Variants in COCH observed in about 807,000 individuals in gnomAD.
COCH encodes cochlin.
A neutral mutation model predicts 54.8 loss-of-function variants in COCH; 40 were observed. The ratio of observed to expected loss-of-function variants is 0.73; its 90% CI spans 0.57 to 0.95. The LOEUF is 0.95. Ranked by LOEUF, COCH falls within the 40% of genes least tolerant of loss-of-function variation. COCH has a pLI of 0.00. For missense variants in COCH, 605 were observed against 675.0 expected, an observed-to-expected ratio of 0.90 and a Z score of 1.15; for synonymous variants, 256 against 237.9, an observed-to-expected ratio of 1.08 and a Z score of -0.70.
chr14:30,891,420 C>T (rs577168480), downstream of COCH, among the ~76,000 whole-genome samples: 34 of 152,116 alleles, frequency 2.2e-4, no homozygotes, highest in Non-Finnish European at 4.9e-4. Context: ...CTGAGTCTTA[C>T]AATTTTATAC....
intron 8 of COCH, among the ~76,000 whole-genome samples, chr14:30,882,872 G>A (rs1419336619): frequency 6.6e-6 from 1 of 152,192 alleles, no homozygotes; most frequent in African/African-American, 2.4e-5. Context: ...CTGGACAACA[G>A]AGAAAGACCC....
downstream of COCH, chr14:30,895,514 T>A: frequency 6.2e-7 from 1 of 1,613,812 alleles, no homozygotes; most frequent in Non-Finnish European, 8.5e-7. Context: ...TTTCTTTCTG[T>A]GAGCTGTTAT....
At position 30,889,627 on chromosome 14, in the gene COCH, T is replaced by C. The variant is rs1211008052; in HGVS notation, c.1489T>C (p.Phe497Leu). The C allele has an allele frequency of 1.2e-6, 2 of 1,613,836 alleles. No individual in the cohort carries two copies. Among genetic ancestry groups the C allele is most frequent in the East Asian group, 4.5e-5 (2 of 44,884 alleles). ...AAAHDAGITI[F>L]SVGVAWAPLD... ...TGTTTTCATTGTAGGAATCACTATCTTCTCTGTTGGTGTGGCTTGGGCACC... is the reference window on the plus strand; with the variant it reads ...TGTTTTCATTGTAGGAATCACTATCCTCTCTGTTGGTGTGGCTTGGGCACC... The change falls in exon 12 of 12, where the codon TTC (phenylalanine) becomes CTC (leucine). Residue 497 changes from phenylalanine (F) to leucine (L), a missense_variant. Transcript: ENST00000396618.
intron 6 of COCH, among the ~76,000 whole-genome samples, chr14:30,880,151 G>C (rs1895519989): frequency 6.6e-6 from 1 of 152,114 alleles, no homozygotes; most frequent in Non-Finnish European, 1.5e-5. Context: ...GTATGACGAT[G>C]GCAGTTTTAA....
intron 8 of COCH, among the ~76,000 whole-genome samples, chr14:30,882,129 T>G (rs1446935053): frequency 4.8e-5 from 5 of 103,666 alleles, no homozygotes; most frequent in Admixed American, 1.9e-4. Context: ...GGTTTTTTTT[T>G]TTTTTTTTTT....
chr14:30,875,384 A>T, intron 3 of COCH: 4 of 598,960 alleles, frequency 6.7e-6, no homozygotes, highest in Non-Finnish European at 1.2e-5. Context: ...ACAGCCCCAG[A>T]CCCCGGGCCC....
At chr14:30,885,707 A>G in intron 10 of COCH, 87 bp downstream of exon 10, 1 of 1,546,046 alleles carries the variant, frequency 6.5e-7, no homozygotes, top group East Asian at 2.2e-5. Context: ...TCTTATCTAG[A>G]TTAACTTGAA....
downstream of COCH, among the ~76,000 whole-genome samples, chr14:30,892,166 T>C (rs1171910343): frequency 1.3e-5 from 2 of 152,162 alleles, no homozygotes; most frequent in African/African-American, 4.8e-5. Flanking sequence ...ATAATGAAAA[T>C]AAGACATTAT....
At chr14:30,888,592 G>C (rs1422461591) in intron 11 of COCH, among the ~76,000 whole-genome samples, 1 of 152,036 alleles carries the variant, frequency 6.6e-6, no homozygotes, top group African/African-American at 2.4e-5. Context: ...GATGAGACCA[G>C]CCTGAACAAC....
chr14:30,877,779 C>A lies in COCH; in HGVS notation c.239+51C>A. ...AGAGAAATGCAGACGTGATTATTTCCTTTCCTGCTTTACCCATCTGGATCC... is the reference window on the plus strand; with the variant it reads ...AGAGAAATGCAGACGTGATTATTTCATTTCCTGCTTTACCCATCTGGATCC... On this transcript the variant is annotated intron_variant, in intron 4 of 11. Coordinates refer to ENST00000396618, the MANE Select transcript of COCH (RefSeq NM_004086.3). The surrounding 1 kb of genome is among the most constrained non-coding windows in gnomAD (Gnocchi z 8.6). 1 of 1,611,452 alleles carries A rather than the reference C, an allele frequency of 6.2e-7. No homozygotes were observed. The highest frequency in any genetic ancestry group is 8.5e-7 in the Non-Finnish European group (1 of 1,179,656).
chr14:30,887,433 C>T (rs968204869), intron 11 of COCH, among the ~76,000 whole-genome samples: 7 of 151,766 alleles, frequency 4.6e-5, no homozygotes, highest in East Asian at 1.9e-4. Flanking sequence ...TTTTCCCCCC[C>T]GCTTAAGATA....
chr14:30,883,644 T>C (rs1895687052), intron 8 of COCH, among the ~76,000 whole-genome samples: 1 of 152,148 alleles, frequency 6.6e-6, no homozygotes, highest in Non-Finnish European at 1.5e-5. Context: ...TTGAATAAAA[T>C]GGCTACTGAT....
Position 30,889,754 on chromosome 14 carries a change from G to T in COCH, c.1616G>T (p.Arg539Ile). 1 of 1,612,380 alleles carries T rather than the reference G, an allele frequency of 6.2e-7. No homozygotes were observed. The highest frequency in any genetic ancestry group is 8.5e-7 in the Non-Finnish European group (1 of 1,178,522). ...GLEPIVSDVI[R>I]GICRDFLESQ... ...GAACCAATTGTTTCTGATGTCATCA[G>T]AGGCATTTGTAGAGATTTCTTAGAA... Residue 539 changes from arginine (R) to isoleucine (I), a missense_variant, in exon 12 of 12, where the codon AGA (arginine) becomes ATA (isoleucine). Coordinates refer to ENST00000396618, the MANE Select transcript of COCH (RefSeq NM_004086.3).
intron 10 of COCH, 33 bp from the exon 11 acceptor site, chr14:30,885,763 T>C: frequency 6.2e-7 from 1 of 1,612,490 alleles, no homozygotes. Flanking sequence ...CTTTTGATCC[T>C]TTTGGATATC....
Position 30,886,038 on chromosome 14 carries a change from C to T in COCH, c.1203C>T (p.Asp401=), listed in dbSNP as rs1334472840. 1 of 1,614,222 alleles carries T rather than the reference C, an allele frequency of 6.2e-7. No individual in the cohort carries two copies. Among genetic ancestry groups the T allele is most frequent in the South Asian group, 1.1e-5 (1 of 91,082 alleles). ...TAGCCAAGACTTTTGAAATCTCGGA[C>T]ATTGGTGCCAAGATAGCTGCTGTAC... ...SNIAKTFEIS[D]IGAKIAAVQF... Residue 401 remains aspartate (D), a synonymous_variant, in exon 11 of 12, where the codon GAC becomes GAT. Transcript: ENST00000396618.
Position 30,874,980 on chromosome 14 carries a change from C to A in COCH, c.34+8C>A. On this transcript the variant is annotated splice_region_variant and intron_variant, in intron 2 of 11. Transcript: ENST00000396618. Reference sequence around the variant, plus strand: ...TCCCGGCTCTCGGCCTCGGTGGGTGCGCGCCCCTCACGACCCCGGCCCCTT... The same window carrying A: ...TCCCGGCTCTCGGCCTCGGTGGGTGAGCGCCCCTCACGACCCCGGCCCCTT... 6.2e-7 allele frequency: 1 copy of A among 1,613,162 alleles called. No homozygotes were observed. The highest frequency in any genetic ancestry group is 2.2e-5 in the East Asian group (1 of 44,852).
chr14:30,880,217 G>C (rs1359502345), intron 6 of COCH, among the ~76,000 whole-genome samples: 1 of 152,144 alleles, frequency 6.6e-6, no homozygotes, highest in African/African-American at 2.4e-5. Flanking sequence ...CTCACCTGTG[G>C]GTTTGGGGTA....
In COCH at chr14:30,875,268, G is replaced by A. The variant is rs1224752593; in HGVS notation, c.82+165G>A. On this transcript the variant is annotated intron_variant, in intron 3 of 11. Transcript: ENST00000396618. ...CGCGCCCGCGTTAACCCCTGCAGCCGATCTGCTCCTGCTCACCTGTTTCTC... is the reference window on the plus strand; with the variant it reads ...CGCGCCCGCGTTAACCCCTGCAGCCAATCTGCTCCTGCTCACCTGTTTCTC... The A allele has an allele frequency of 2.1e-6, 2 of 954,424 alleles. No homozygotes were observed. Among genetic ancestry groups the A allele is most frequent in the Admixed American group, 2.4e-5 (1 of 40,828 alleles). The allele number at this position is 954,424 out of a possible 1,614,324, so 59.1% of individuals were successfully genotyped here. A position where few individuals can be genotyped will look rare whatever the true frequency, so the allele number is the denominator to read the frequency against.
In COCH at chr14:30,884,604, T is replaced by C. The variant is rs147017172; in HGVS notation, c.681T>C (p.Asp227=). 29 of 1,613,716 alleles carry C rather than the reference T, an allele frequency of 1.8e-5. No homozygotes were observed. The African/African-American group carries it at 3.3e-4, about 19-fold the overall frequency. ...FYLKNFTSAK[D]VLFAIKEVGF... is the part of the protein sequence containing the mutation. ...TGAAAAACTTTACATCAGCCAAAGA[T>C]GTTTTGTTTGCCATAAAGGAAGTAG... Residue 227 remains aspartate (D), a synonymous_variant, in exon 9 of 12, where the codon GAT becomes GAC. Coordinates refer to ENST00000396618, the MANE Select transcript of COCH (RefSeq NM_004086.3).
Sources: gnomAD v4.1 joint callset for allele counts (sites outside exome capture counted in the v4.1 genomes callset) on GRCh38, gnomAD v4.1.1 for gene constraint, Gnocchi (gnomAD v3.1) non-coding constraint, MANE v1.5 for transcripts, NCBI Gene and HGNC (gene_info 2026-07-23, HGNC 2026-07-21) for gene names.